The following ETV1 variants were observed in gnomAD, a reference collection of about 807,000 sequenced individuals.
ETV1 encodes ETS variant transcription factor 1.
A neutral mutation model predicts 62.3 loss-of-function variants in ETV1; 27 were observed. The ratio of observed to expected loss-of-function variants is 0.43; its 90% CI spans 0.32 to 0.60. The LOEUF (loss-of-function observed/expected upper bound fraction) is 0.60, where lower values mean the gene tolerates loss of function less well. ETV1 is among the 20% of genes least tolerant of loss of function. ETV1 has a pLI of 0.06. For missense variants in ETV1, 605 were observed against 605.8 expected, an observed-to-expected ratio of 1.00 and a Z score of 0.01; for synonymous variants, 222 against 199.6, an observed-to-expected ratio of 1.11 and a Z score of -0.94.
At chr7:13,947,392 C>CAAAAAAA (rs11352949) in intron 6 of ETV1, among the ~76,000 whole-genome samples, 7 of 86,462 alleles carry the variant, frequency 8.1e-5, no homozygotes, top group Non-Finnish European at 1.1e-4. Flanking sequence ...ACTAACTATA[C>CAAAAAAA]AAAAAAAAAA....
At position 13,936,209 on chromosome 7, in the gene ETV1, T is replaced by G. The variant is rs1446134227; in HGVS notation, c.366-313A>C. On this transcript the variant is annotated intron_variant, in intron 7 of 13. Coordinates refer to ENST00000430479, the MANE Select transcript of ETV1 (RefSeq NM_004956.5). ...AAGCAGTGGTATTTTTTCCATCTAT[T>G]CTTGATATATCTATTTGAGAAAGTT... Among the ~76,000 whole-genome samples the G allele has an allele frequency of 5.3e-5, 8 of 152,302 alleles. No individual in the cohort carries two copies. In the East Asian group the frequency reaches 1.5e-3, roughly 29 times the overall value.
chr7:13,951,213 C>T (rs1355851923), intron 6 of ETV1, among the ~76,000 whole-genome samples: 1 of 152,142 alleles, frequency 6.6e-6, no homozygotes, highest in African/African-American at 2.4e-5. Flanking sequence ...CACACACATA[C>T]ACATCATCTC....
At chr7:13,896,211 G>A (rs1781757785) in intron 13 of ETV1, 124 bp from the exon 14 acceptor site, 11 of 631,992 alleles carry the variant, frequency 1.7e-5, no homozygotes, top group Non-Finnish European at 2.4e-5. Flanking sequence ...GCCCAAAAAA[G>A]CAAACAACTA....
At chr7:13,977,860 G>A (rs1211069656) in intron 5 of ETV1, among the ~76,000 whole-genome samples, 2 of 152,078 alleles carry the variant, frequency 1.3e-5, no homozygotes, top group East Asian at 1.9e-4. Flanking sequence ...TGTGTAAGCA[G>A]CCCACTTAAA....
At chr7:13,906,664 A>G (rs1265967928) in intron 11 of ETV1, 65 bp from the exon 12 acceptor site, 1 of 1,218,970 alleles carries the variant, frequency 8.2e-7, no homozygotes, top group East Asian at 2.7e-5. Flanking sequence ...TAAAATGTAC[A>G]TTAAATCAAT....
At chr7:13,953,303 T>A (rs1789039535) in intron 6 of ETV1, among the ~76,000 whole-genome samples, 2 of 152,154 alleles carry the variant, frequency 1.3e-5, no homozygotes, top group African/African-American at 4.8e-5. Context: ...ACTTAATAAA[T>A]TACCTAATTA....
At chr7:13,927,267 G>C (rs1785536359) in intron 9 of ETV1, among the ~76,000 whole-genome samples, 2 of 151,982 alleles carry the variant, frequency 1.3e-5, no homozygotes, top group African/African-American at 4.8e-5. Context: ...TAGCCAACAT[G>C]ATGAACCCCT....
At chr7:13,902,163 T>C (rs1782503949) in intron 12 of ETV1, among the ~76,000 whole-genome samples, 1 of 152,124 alleles carries the variant, frequency 6.6e-6, no homozygotes, top group Admixed American at 6.6e-5. Flanking sequence ...GCGCCTTCAT[T>C]TCCATAAAAT....
intron 9 of ETV1, among the ~76,000 whole-genome samples, chr7:13,928,769 C>A (rs1785734780): frequency 6.6e-6 from 1 of 152,116 alleles, no homozygotes; most frequent in Non-Finnish European, 1.5e-5. Context: ...ACCAGCCTGG[C>A]CACCATGGTG....
At chr7:13,986,922 A>C (rs1782599841) in intron 4 of ETV1, 1 of 437,294 alleles carries the variant, frequency 2.3e-6, no homozygotes, top group South Asian at 3.3e-5. Flanking sequence ...AAAGTCAATC[A>C]TCTTTTCTTC....
chr7:13,956,565 T>C (rs889292416), intron 6 of ETV1, among the ~76,000 whole-genome samples: 8 of 152,202 alleles, frequency 5.3e-5, no homozygotes, highest in Admixed American at 1.3e-4. Context: ...TAAGGGGAAA[T>C]TAGATTACTA....
rs903783625 is a variant in ETV1 at position 13,941,598 on chromosome 7, C to T, written c.236-2352G>A. Among the ~76,000 whole-genome samples, 8 of 152,060 alleles carry T rather than the reference C, an allele frequency of 5.3e-5. No individual in the cohort carries two copies. In the East Asian group the frequency reaches 1.2e-3, roughly 22 times the overall value. On this transcript the variant is annotated intron_variant, in intron 6 of 13. Coordinates refer to ENST00000430479, the MANE Select transcript of ETV1 (RefSeq NM_004956.5). ...TTAAAGTAGTGCTCTAGGCCCAGTACGGTGGCTCACACCTGTAATCCCAGC... is the reference window on the plus strand; with the variant it reads ...TTAAAGTAGTGCTCTAGGCCCAGTATGGTGGCTCACACCTGTAATCCCAGC...
At position 13,891,970 on chromosome 7, in the gene ETV1, G is replaced by C. The variant is rs991052486; in HGVS notation, c.*3896C>G. On this transcript the variant is annotated 3_prime_UTR_variant, in exon 14 of 14. Transcript: ENST00000430479. ...ATTACAAGCTCTGAAAAGGCTGCAT[G>C]ATAGACAAAGTGGCTCATTTTAGAA... The C allele has an allele frequency of 9.1e-5, 21 of 231,752 alleles. No homozygotes were observed. The highest frequency in any genetic ancestry group is 9.0e-4 in the Admixed American group (16 of 17,744). The allele number at this position is 231,752 out of a possible 1,614,324, so 14.4% of individuals were successfully genotyped here. A position where few individuals can be genotyped will look rare whatever the true frequency, so the allele number is the denominator to read the frequency against.
intron 7 of ETV1, 51 bp from the exon 8 acceptor site, chr7:13,935,947 T>A (rs1450449629): frequency 2.1e-6 from 3 of 1,412,134 alleles, no homozygotes; most frequent in Non-Finnish European, 2.9e-6. Flanking sequence ...GGAGCAATTT[T>A]TTAAAAAAGT....
At chr7:13,907,803 TAG>T (rs1783128580) in intron 11 of ETV1, 2 of 470,348 alleles carry the variant, frequency 4.3e-6, no homozygotes, top group South Asian at 3.1e-5. Flanking sequence ...CTATGGTCAG[TAG>T]AGAGACATAT....
At chr7:13,980,664 T>G (rs914356529) in intron 5 of ETV1, among the ~76,000 whole-genome samples, 3 of 152,138 alleles carry the variant, frequency 2.0e-5, no homozygotes, top group Non-Finnish European at 2.9e-5. Context: ...GGAGCGGCTC[T>G]ATCAGTTCAT....
intron 6 of ETV1, among the ~76,000 whole-genome samples, chr7:13,971,016 G>A (rs1355902989): frequency 1.3e-5 from 2 of 151,808 alleles, no homozygotes; most frequent in African/African-American, 2.4e-5. Flanking sequence ...CTGTCACCCA[G>A]GCTGGAGTGC....
At chr7:13,945,235 A>C (rs1788013452) in intron 6 of ETV1, among the ~76,000 whole-genome samples, 1 of 152,168 alleles carries the variant, frequency 6.6e-6, no homozygotes, top group Non-Finnish European at 1.5e-5. Context: ...ATTTGAATCC[A>C]CTGTGATCTG....
intron 9 of ETV1, among the ~76,000 whole-genome samples, chr7:13,928,483 G>A (rs549348132): frequency 5.1e-4 from 77 of 152,034 alleles, no homozygotes; most frequent in Non-Finnish European, 7.4e-5. Flanking sequence ...GCATGGTGGC[G>A]CATGCCTGTA....
Sources: gnomAD v4.1 joint callset for allele counts (sites outside exome capture counted in the v4.1 genomes callset) on GRCh38, gnomAD v4.1.1 for gene constraint, MANE v1.5 for transcripts, NCBI Gene and HGNC (gene_info 2026-07-23, HGNC 2026-07-21) for gene names.